Variants in SCN10A observed in about 807,000 individuals in gnomAD.
SCN10A encodes sodium voltage-gated channel alpha subunit 10, also known as sodium channel protein type 10 subunit alpha.
SCN10A carries 162 observed loss-of-function variants against 170.7 expected under a neutral mutation model. The ratio of observed to expected loss-of-function variants is 0.95; its 90% CI spans 0.84 to 1.08. The LOEUF is 1.08. SCN10A is among the 50% of genes least tolerant of loss of function. The probability of loss-of-function intolerance (pLI) is 0.00; values close to 1 mark genes in which losing one functional copy is unlikely to be tolerated. For missense variants in SCN10A, 2,527 were observed against 2,436.9 expected, an observed-to-expected ratio of 1.04 and a Z score of -0.78; for synonymous variants, 985 against 904.6, an observed-to-expected ratio of 1.09 and a Z score of -1.59.
intron 4 of SCN10A, among the ~76,000 whole-genome samples, chr3:38,773,613 A>T (rs2064036041): frequency 6.6e-6 from 1 of 152,236 alleles, no homozygotes; most frequent in African/African-American, 2.4e-5. Context: ...CAAACAAAAA[A>T]ATAAAATCCT....
intron 3 of SCN10A, among the ~76,000 whole-genome samples, chr3:38,791,520 G>A (rs373876714): frequency 6.6e-6 from 1 of 152,150 alleles, no homozygotes; most frequent in East Asian, 1.9e-4. Context: ...TGACCAATGA[G>A]GTCCCATTGA....
At chr3:38,754,580 A>T (rs115887811) in intron 11 of SCN10A, among the ~76,000 whole-genome samples, 1 of 152,214 alleles carries the variant, frequency 6.6e-6, no homozygotes, top group Non-Finnish European at 1.5e-5. Context: ...TGACATTTCC[A>T]TGGAAGCTGT....
At chr3:38,716,972 G>T (rs2063340468) in intron 21 of SCN10A, among the ~76,000 whole-genome samples, 1 of 152,244 alleles carries the variant, frequency 6.6e-6, no homozygotes, top group South Asian at 2.1e-4. Flanking sequence ...AGAATGGAAA[G>T]ATAGAAGAAT....
intron 4 of SCN10A, among the ~76,000 whole-genome samples, chr3:38,788,620 TGGG>T (rs139015515): frequency 1.1e-5 from 1 of 94,316 alleles, no homozygotes; most frequent in Non-Finnish European, 2.2e-5. Context: ...GTGTGTGTGT[TGGG>T]GGGGGGTGGG....
At chr3:38,810,105 C>T (rs879451827) in intron 1 of SCN10A, among the ~76,000 whole-genome samples, 15 of 152,154 alleles carry the variant, frequency 9.9e-5, no homozygotes, top group Non-Finnish European at 2.1e-4. Flanking sequence ...AAAGCATGAG[C>T]CCCTGCTCAT....
intron 18 of SCN10A, 71 bp from the exon 19 acceptor site, chr3:38,723,624 C>A: frequency 6.6e-7 from 1 of 1,519,968 alleles, no homozygotes; most frequent in Non-Finnish European, 8.9e-7. Flanking sequence ...ACGGTCACTG[C>A]AGGTTCAACT....
Position 38,726,801 on chromosome 3 carries a change from G to A in SCN10A, c.2892C>T (p.Ala964=), listed in dbSNP as rs772321918. The A allele has an allele frequency of 1.2e-6, 2 of 1,611,638 alleles. No individual in the cohort carries two copies. Among genetic ancestry groups the A allele is most frequent in the Non-Finnish European group, 1.7e-6 (2 of 1,177,908 alleles). Residue 964 remains alanine, a synonymous_variant, in exon 17 of 28, where the codon GCC becomes GCT. Coordinates refer to ENST00000449082, the MANE Select transcript of SCN10A (RefSeq NM_006514.4). Reference sequence around the variant, plus strand: ...CTCCAGAGCTCCCCCTGGCAGTGTTGGCAGCAATGTGGTTCTCAGCCTTGG... The same window carrying A: ...CTCCAGAGCTCCCCCTGGCAGTGTTAGCAGCAATGTGGTTCTCAGCCTTGG... The part of the protein sequence containing the change: ...SSSKAENHIA[A]NTARGSSGGL...
At chr3:38,704,543 G>A (rs887091494) in intron 26 of SCN10A, among the ~76,000 whole-genome samples, 7 of 152,206 alleles carry the variant, frequency 4.6e-5, no homozygotes, top group Non-Finnish European at 1.0e-4. Flanking sequence ...TCTCAGAGAC[G>A]ATGAAGTGGG....
At chr3:38,711,013 G>A (rs1450308253) in intron 23 of SCN10A, 116 bp from the exon 24 acceptor site, 9 of 816,974 alleles carry the variant, frequency 1.1e-5, no homozygotes, top group Non-Finnish European at 1.6e-5. Context: ...AAGGGCTTGT[G>A]CAGAAAGAAT....
Position 38,712,321 on chromosome 3 carries a change from C to T in SCN10A, c.3929G>A (p.Cys1310Tyr), listed in dbSNP as rs764055874. 9.9e-6 allele frequency: 16 copies of T among 1,614,162 alleles called. No homozygotes were observed. The highest frequency in any genetic ancestry group is 1.1e-5 in the Non-Finnish European group (13 of 1,180,020). The change falls in exon 23 of 28, where the codon TGC (cysteine) becomes TAC (tyrosine). Residue 1310 changes from cysteine to tyrosine, a missense_variant. Transcript: ENST00000449082. ...VNLFAGKFWRCINYTDGEFSL... is the reference protein window; with the variant it reads ...VNLFAGKFWRYINYTDGEFSL... ...AAACTCTCCATCGGTATAGTTGATG[C>T]ACCTCCAAAACTTCCCTGCGAAGAG...
chr3:38,806,013 G>C (rs889028586), intron 1 of SCN10A, among the ~76,000 whole-genome samples: 1 of 152,168 alleles, frequency 6.6e-6, no homozygotes, highest in Non-Finnish European at 1.5e-5. Flanking sequence ...CCGTGGTACT[G>C]AACAAGAGAG....
intron 13 of SCN10A, among the ~76,000 whole-genome samples, chr3:38,745,292 C>A (rs894189032): frequency 6.6e-6 from 1 of 152,128 alleles, no homozygotes; most frequent in Non-Finnish European, 1.5e-5. Flanking sequence ...GAACTTTCCT[C>A]CCTTCATCCT....
At chr3:38,799,071 T>A (rs530797911) in intron 1 of SCN10A, among the ~76,000 whole-genome samples, 1 of 152,174 alleles carries the variant, frequency 6.6e-6, no homozygotes, top group Non-Finnish European at 1.5e-5. Flanking sequence ...CATGAGCCAC[T>A]GTGCCCAGCC....
intron 1 of SCN10A, among the ~76,000 whole-genome samples, chr3:38,802,093 T>C (rs1306261517): frequency 3.3e-5 from 5 of 152,186 alleles, no homozygotes. Context: ...CTTAGGAGTC[T>C]TCCTTTATGC....
intron 13 of SCN10A, among the ~76,000 whole-genome samples, chr3:38,745,730 C>G (rs868259633): frequency 3.3e-5 from 5 of 152,064 alleles, no homozygotes; most frequent in African/African-American, 1.2e-4. Flanking sequence ...GCCCCTGGAC[C>G]TTTTCATGTT....
At chr3:38,792,921 T>C (rs2064301816) in intron 2 of SCN10A, among the ~76,000 whole-genome samples, 2 of 152,136 alleles carry the variant, frequency 1.3e-5, no homozygotes, top group South Asian at 4.1e-4. Flanking sequence ...CCTTTTTGTT[T>C]ATGCCAGATA....
chr3:38,726,913 G>T lies in SCN10A; in HGVS notation c.2780C>A (p.Ala927Asp). 1.9e-6 allele frequency: 3 copies of T among 1,614,244 alleles called. No individual in the cohort carries two copies. Among genetic ancestry groups the T allele is most frequent in the Non-Finnish European group, 2.5e-6 (3 of 1,180,040 alleles). The change falls in exon 17 of 28, where the codon GCT (alanine) becomes GAT (aspartate). Residue 927 changes from alanine (A) to aspartate (D), a missense_variant. Coordinates refer to ENST00000449082, the MANE Select transcript of SCN10A (RefSeq NM_006514.4). The stretch of plus-strand genomic sequence containing the variant: ...GGACCTGCTGAAGAAGCTGCAAAGA[G>T]CCTGTTTGGTACGATGGCCAAAGAC... ...IQVFGHRTKQ[A>D]LCSFFSRSCP...
intron 13 of SCN10A, among the ~76,000 whole-genome samples, chr3:38,746,936 C>T (rs1440906731): frequency 6.6e-6 from 1 of 152,144 alleles, no homozygotes; most frequent in African/African-American, 2.4e-5. Context: ...TTGTCAAACT[C>T]CTGTTGGTTT....
chr3:38,713,873 C>T (rs967883180), intron 22 of SCN10A, 85 bp downstream of exon 22: 19 of 1,549,888 alleles, frequency 1.2e-5, no homozygotes, highest in Non-Finnish European at 1.6e-5. Context: ...GGTGATCCGC[C>T]CGCCTCAGCC....
Sources: allele counts gnomAD v4.1 joint callset (sites outside exome capture counted in the v4.1 genomes callset), GRCh38; gene constraint gnomAD v4.1.1; transcripts MANE v1.5; gene names NCBI Gene and HGNC (gene_info 2026-07-23, HGNC 2026-07-21).